ARHGEF38: variants seen among roughly 807,000 people sequenced by gnomAD.
ARHGEF38 encodes Rho guanine nucleotide exchange factor 38.
Under a neutral mutation model 79.9 loss-of-function variants are expected in ARHGEF38, and 79 were observed. The ratio of observed to expected loss-of-function variants is 0.99; its 90% CI spans 0.82 to 1.19. ARHGEF38 has a LOEUF of 1.19. Among genes scored for constraint, ARHGEF38 ranks in the 50% most tolerant of loss-of-function variants. The pLI, the probability that ARHGEF38 is intolerant of heterozygous loss-of-function variation, is 0.00. For missense variants in ARHGEF38, 962 were observed against 907.2 expected (o/e 1.06, Z -0.78); for synonymous variants, 366 against 328.3 (o/e 1.11, Z -1.24).
intron 7 of ARHGEF38, 141 bp from the exon 8 acceptor site, chr4:105,653,924 T>C (rs148422613): frequency 1.3e-4 from 56 of 423,982 alleles, no homozygotes; most frequent in African/African-American, 8.0e-4. Context: ...AAGTATGTGT[T>C]AAGACAGACA....
At chr4:105,576,105 G>C (rs1226265034) in intron 1 of ARHGEF38, among the ~76,000 whole-genome samples, 2 of 152,004 alleles carry the variant, frequency 1.3e-5, no homozygotes, top group Non-Finnish European at 2.9e-5. Flanking sequence ...TGTTCTTTTT[G>C]TTTAGGATCG....
chr4:105,558,213 G>C (rs1322322309), intron 1 of ARHGEF38, among the ~76,000 whole-genome samples: 1 of 152,172 alleles, frequency 6.6e-6, no homozygotes, highest in Non-Finnish European at 1.5e-5. Context: ...GACTTGGTAA[G>C]ACTATGAGGG....
At chr4:105,580,166 C>T (rs1726716372) in intron 1 of ARHGEF38, among the ~76,000 whole-genome samples, 1 of 152,068 alleles carries the variant, frequency 6.6e-6, no homozygotes, top group African/African-American at 2.4e-5. Context: ...TTCAAAAAAA[C>T]TAGATCTTGG....
At chr4:105,647,846 G>A (rs568812119) in intron 6 of ARHGEF38, among the ~76,000 whole-genome samples, 1 of 151,764 alleles carries the variant, frequency 6.6e-6, no homozygotes, top group South Asian at 2.1e-4. Flanking sequence ...AGGATCTGAG[G>A]TCTCCTTACA....
intron 2 of ARHGEF38, among the ~76,000 whole-genome samples, chr4:105,595,446 A>T (rs573440094): frequency 6.6e-6 from 1 of 152,216 alleles, no homozygotes; most frequent in Non-Finnish European, 1.5e-5. Context: ...ATATGGCAAC[A>T]TTATATAAAT....
intron 1 of ARHGEF38, among the ~76,000 whole-genome samples, chr4:105,580,480 G>C (rs768268568): frequency 3.3e-5 from 5 of 152,154 alleles, no homozygotes; most frequent in Non-Finnish European, 7.4e-5. Context: ...TTACCCAAAA[G>C]TCATTCATGA....
At position 105,562,274 on chromosome 4, in the gene ARHGEF38, G is replaced by T. The variant is rs77145627; in HGVS notation, c.196+9313G>T. 1.8e-4 allele frequency among the ~76,000 whole-genome samples: 28 copies of T among 152,070 alleles called. No individual in the cohort carries two copies. In the East Asian group the frequency reaches 5.4e-3, roughly 29 times the overall value. On this transcript the variant is annotated intron_variant, in intron 1 of 13. Transcript: ENST00000420470. ...ATTATACTACTTCATTCTATTTTTG[G>T]CTTTTGCTGTCATTTGAATATAATT...
intron 2 of ARHGEF38, among the ~76,000 whole-genome samples, chr4:105,595,485 A>G (rs1727538756): frequency 6.6e-6 from 1 of 152,222 alleles, no homozygotes; most frequent in African/African-American, 2.4e-5. Flanking sequence ...TATATAGAGG[A>G]AAATAATCAC....
At chr4:105,585,901 T>C (rs1319817330) in intron 1 of ARHGEF38, among the ~76,000 whole-genome samples, 1 of 151,810 alleles carries the variant, frequency 6.6e-6, no homozygotes, top group African/African-American at 2.4e-5. Flanking sequence ...CCGGCTAATG[T>C]TGTATTTTTA....
At chr4:105,667,050 AG>A in intron 11 of ARHGEF38, 78 bp from the exon 12 acceptor site, 2 of 1,237,018 alleles carry the variant, frequency 1.6e-6, no homozygotes, top group Non-Finnish European at 1.1e-6. Flanking sequence ...AAAAATCTCC[AG>A]GGAAAAAATA....
chr4:105,639,212 A>G (rs539164049), intron 5 of ARHGEF38, among the ~76,000 whole-genome samples: 1 of 152,140 alleles, frequency 6.6e-6, no homozygotes, highest in East Asian at 1.9e-4. Flanking sequence ...TTAAATGATT[A>G]TTCACTTTTA....
At chr4:105,658,378 C>A (rs934425056) in intron 9 of ARHGEF38, among the ~76,000 whole-genome samples, 1 of 151,746 alleles carries the variant, frequency 6.6e-6, no homozygotes, top group East Asian at 1.9e-4. Context: ...CCAGCCTGGG[C>A]GACAGAGTGA....
intron 3 of ARHGEF38, among the ~76,000 whole-genome samples, chr4:105,613,738 T>C (rs1728400295): frequency 6.6e-6 from 1 of 152,020 alleles, no homozygotes; most frequent in Non-Finnish European, 1.5e-5. Flanking sequence ...ATTTGCTTTT[T>C]AATTTCCAAT....
At chr4:105,557,777 TA>T (rs1725321007) in intron 1 of ARHGEF38, among the ~76,000 whole-genome samples, 1 of 151,976 alleles carries the variant, frequency 6.6e-6, no homozygotes. Flanking sequence ...CTGTGAAAAA[TA>T]AATTTTTGGT....
At position 105,655,568 on chromosome 4, in the gene ARHGEF38, C is replaced by T. The variant is rs28604956; in HGVS notation, c.1114-35C>T. On this transcript the variant is annotated intron_variant, in intron 8 of 13. Transcript: ENST00000420470. ...TATGTTAATTATACTGACCTCAAAA[C>T]TTGCCTTTTTTGTAACTTTGTTCTT... 81 of 1,532,242 alleles carry T rather than the reference C, an allele frequency of 5.3e-5. No homozygotes were observed. In the African/African-American group the frequency reaches 7.1e-4, roughly 13 times the overall value. The allele number at this position is 1,532,242 out of a possible 1,614,324, so 94.9% of individuals were successfully genotyped here. A position where few individuals can be genotyped will look rare whatever the true frequency, so the allele number is the denominator to read the frequency against.
At chr4:105,664,910 C>T (rs911990988) in intron 10 of ARHGEF38, among the ~76,000 whole-genome samples, 2 of 152,024 alleles carry the variant, frequency 1.3e-5, no homozygotes, top group African/African-American at 4.8e-5. Context: ...CATTTTCTTC[C>T]CCCATTCTAA....
Position 105,667,241 on chromosome 4 carries a change from T to C in ARHGEF38, c.1802T>C (p.Ile601Thr). The C allele has an allele frequency of 6.5e-7, 1 of 1,536,130 alleles. No homozygotes were observed. Residue 601 changes from isoleucine to threonine, a missense_variant, in exon 12 of 14, where the codon ATC becomes ACC. Transcript: ENST00000420470. Reference sequence around the variant, plus strand: ...TGCAATGCTACACAAGAATATGACATCAATCTTCTGGAAGGAGACTTGGTG... The same window carrying C: ...TGCAATGCTACACAAGAATATGACACCAATCTTCTGGAAGGAGACTTGGTG... ...RKCNATQEYD[I>T]NLLEGDLVAV...
chr4:105,617,981 A>G (rs1172442144), intron 3 of ARHGEF38, among the ~76,000 whole-genome samples: 1 of 152,214 alleles, frequency 6.6e-6, no homozygotes, highest in Non-Finnish European at 1.5e-5. Context: ...TTACAAATAG[A>G]AACAACTTAC....
intron 3 of ARHGEF38, among the ~76,000 whole-genome samples, chr4:105,630,126 C>T (rs1729120774): frequency 6.6e-6 from 1 of 152,058 alleles, no homozygotes; most frequent in Admixed American, 6.6e-5. Flanking sequence ...TACAATGACT[C>T]TCTAAAATTG....
Sources: gnomAD v4.1 joint callset for allele counts (sites outside exome capture counted in the v4.1 genomes callset) on GRCh38, gnomAD v4.1.1 for gene constraint, MANE v1.5 for transcripts, NCBI Gene and HGNC (gene_info 2026-07-23, HGNC 2026-07-21) for gene names.